Variants in ABL1 observed in about 807,000 individuals in gnomAD.
ABL1 encodes ABL proto-oncogene 1, non-receptor tyrosine kinase.
ABL1 carries 11 observed loss-of-function variants against 94.7 expected under a neutral mutation model. The ratio of observed to expected loss-of-function variants is 0.12; its 90% CI spans 0.07 to 0.19. The LOEUF (loss-of-function observed/expected upper bound fraction) is 0.19. ABL1 is among the 10% of genes least tolerant of loss of function. The pLI, the probability that ABL1 is intolerant of heterozygous loss-of-function variation, is 1.00. For missense variants in ABL1, 1,082 were observed against 1,489.4 expected, an observed-to-expected ratio of 0.73 and a Z score of 4.50; for synonymous variants, 656 against 622.4, an observed-to-expected ratio of 1.05 and a Z score of -0.80.
chr9:130,835,641 CTTT>C lies in ABL1; in HGVS notation c.79+122_79+124del, dbSNP rs1174950167. 4.4e-6 allele frequency: 3 copies of C among 686,532 alleles called. No homozygotes were observed. Among genetic ancestry groups the C allele is most frequent in the Non-Finnish European group, 7.3e-6 (3 of 410,554 alleles). The allele number at this position is 686,532 out of a possible 1,614,324, so 42.5% of individuals were successfully genotyped here. Reference sequence around the variant, plus strand: ...CGCCTGCGCCCTCCCCGGGTCTTGTCTTTTTTTTCTTTCTTCCCTCTTCTCTTC... The same window carrying C: ...CGCCTGCGCCCTCCCCGGGTCTTGTCTTTTTCTTTCTTCCCTCTTCTCTTC... On this transcript the variant is annotated intron_variant, in intron 1 of 10. Transcript: ENST00000318560. The surrounding 1 kb of genome is among the most constrained non-coding windows in gnomAD (Gnocchi z 4.6).
chr9:130,819,758 G>A (rs1180512157), intron 1 of ABL1, among the ~76,000 whole-genome samples: 1 of 151,816 alleles, frequency 6.6e-6, no homozygotes, highest in African/African-American at 2.4e-5. Context: ...GGCCAGGCTG[G>A]TGTCAAACTC....
At chr9:130,851,102 T>A (rs1830852406) in intron 1 of ABL1, among the ~76,000 whole-genome samples, 1 of 152,084 alleles carries the variant, frequency 6.6e-6, no homozygotes, top group Non-Finnish European at 1.5e-5. Context: ...TTTTTTGTAT[T>A]TTTAGTAGAG....
intron 7 of ABL1, 108 bp from the exon 8 acceptor site, chr9:130,878,307 G>A: frequency 7.6e-7 from 1 of 1,322,274 alleles, no homozygotes; most frequent in Non-Finnish European, 1.1e-6. Context: ...CTGGGCTGCT[G>A]CTGGGGCCAT....
intron 1 of ABL1, among the ~76,000 whole-genome samples, chr9:130,745,292 C>CA (rs763018406): frequency 6.6e-6 from 1 of 151,986 alleles, no homozygotes; most frequent in Non-Finnish European, 1.5e-5. Flanking sequence ...CCATGTTGGT[C>CA]AAGCTAGTCT....
chr9:130,859,885 T>G (rs1010019903), intron 3 of ABL1, among the ~76,000 whole-genome samples: 8 of 152,012 alleles, frequency 5.3e-5, no homozygotes, highest in Admixed American at 1.3e-4. Context: ...TTCACCATGT[T>G]GGCCAGGCTG....
chr9:130,718,262 G>T (rs1461997661), intron 1 of ABL1, among the ~76,000 whole-genome samples: 2 of 142,284 alleles, frequency 1.4e-5, no homozygotes, highest in African/African-American at 5.4e-5. Flanking sequence ...AGGTTGCAGT[G>T]ACCTGAGATC....
rs1831102780 is a variant in ABL1 at position 130,863,133 on chromosome 9, G to C, written c.822+98G>C. The C allele has an allele frequency of 1.5e-6, 2 of 1,376,060 alleles. No individual in the cohort carries two copies. Among genetic ancestry groups the C allele is most frequent in the Non-Finnish European group, 1.9e-6 (2 of 1,030,534 alleles). 85.2% of individuals were successfully genotyped at this position (1,376,060 alleles called of 1,614,324 possible). A position where few individuals can be genotyped will look rare whatever the true frequency, so the allele number is the denominator to read the frequency against. ...CCTGGAAGTCTACCTCCTGCCTGCTGTCCGAGGGCTTCATTGGCGCCACGG... is the reference window on the plus strand; with the variant it reads ...CCTGGAAGTCTACCTCCTGCCTGCTCTCCGAGGGCTTCATTGGCGCCACGG... On this transcript the variant is annotated intron_variant, in intron 4 of 10. Coordinates refer to ENST00000318560, the MANE Select transcript of ABL1 (RefSeq NM_005157.6). This position sits in a 1 kb window ranked among gnomAD's most constrained non-coding sequence, Gnocchi z 4.3.
At chr9:130,725,314 A>AT (rs1462043440) in intron 1 of ABL1, among the ~76,000 whole-genome samples, 2 of 152,172 alleles carry the variant, frequency 1.3e-5, no homozygotes, top group Non-Finnish European at 2.9e-5. Flanking sequence ...CTAGGACTTC[A>AT]TATAACTATA....
rs71389357 is a variant in ABL1, at chr9:130,798,966, C to CAAAAAAAAAAAAA, written c.137-55092_137-55080dup. ...AGCCTGGGTGGCAGAGACTCCGTCTCAAAAAAAAAAAAAAAAAAGAATTGG... is the reference window on the plus strand; with the variant it reads ...AGCCTGGGTGGCAGAGACTCCGTCTCAAAAAAAAAAAAAAAAAAAAAAAAAAAAAAAGAATTGG... On this transcript the variant is annotated intron_variant, in intron 1 of 10. Transcript: ENST00000372348. Among the ~76,000 whole-genome samples the CAAAAAAAAAAAAA allele has an allele frequency of 3.2e-3, 213 of 66,716 alleles. 5 individuals carry two copies. The highest frequency in any genetic ancestry group is 8.9e-3 in the African/African-American group (164 of 18,332). The allele number at this position is 66,716 out of a possible 152,430, so 43.8% of individuals were successfully genotyped here. A position where few individuals can be genotyped will look rare whatever the true frequency, so the allele number is the denominator to read the frequency against.
At chr9:130,756,078 T>A (rs2583837) in intron 1 of ABL1, among the ~76,000 whole-genome samples, 81,154 of 152,058 alleles carry the variant, frequency 0.53, 23,589 homozygotes, top group African/African-American at 0.77. Context: ...AAAGGAAGCA[T>A]GTCTGTGAGA....
intron 1 of ABL1, among the ~76,000 whole-genome samples, chr9:130,721,554 CA>C (rs2132675349): frequency 6.6e-6 from 1 of 151,972 alleles, no homozygotes; most frequent in Admixed American, 6.6e-5. Context: ...ACTAACAGTA[CA>C]AAAAATTAGC....
intron 1 of ABL1, among the ~76,000 whole-genome samples, chr9:130,763,761 A>G (rs118051472): frequency 1.9e-4 from 29 of 152,328 alleles, no homozygotes; most frequent in Non-Finnish European, 4.3e-4. Context: ...ACATGTCTTT[A>G]TAATCACAGA....
At chr9:130,717,890 C>T (rs965463302) in intron 1 of ABL1, among the ~76,000 whole-genome samples, 1 of 151,758 alleles carries the variant, frequency 6.6e-6, no homozygotes, top group African/African-American at 2.4e-5. Context: ...GCACATGCCT[C>T]TAATCCCAGC....
chr9:130,871,666 AG>A (rs1554770289), intron 4 of ABL1, among the ~76,000 whole-genome samples: 1 of 152,224 alleles, frequency 6.6e-6, no homozygotes, highest in Non-Finnish European at 1.5e-5. Context: ...TCTTGTCATG[AG>A]GGTCTCTTCC....
intron 1 of ABL1, among the ~76,000 whole-genome samples, chr9:130,768,802 C>T (rs1399293697): frequency 6.6e-6 from 1 of 152,144 alleles, no homozygotes; most frequent in Non-Finnish European, 1.5e-5. Context: ...TTGGAAGTAA[C>T]TTAAATATTT....
intron 1 of ABL1, among the ~76,000 whole-genome samples, chr9:130,852,269 A>G (rs1023816658): frequency 1.3e-5 from 2 of 151,976 alleles, no homozygotes; most frequent in African/African-American, 4.8e-5. Flanking sequence ...AGCTCACTGC[A>G]ACCTCCGCCT....
At chr9:130,733,575 C>CTAT (rs1554757690) in intron 1 of ABL1, among the ~76,000 whole-genome samples, 1 of 103,220 alleles carries the variant, frequency 9.7e-6, no homozygotes, top group East Asian at 3.1e-4. Context: ...CTGTAAAGCA[C>CTAT]TTTTTTTTTT....
At chr9:130,821,410 T>A (rs2132877265) in intron 1 of ABL1, among the ~76,000 whole-genome samples, 1 of 152,306 alleles carries the variant, frequency 6.6e-6, no homozygotes, top group South Asian at 2.1e-4. Context: ...TTGTGACTGT[T>A]TTTTTTCCCA....
intron 1 of ABL1, among the ~76,000 whole-genome samples, chr9:130,840,305 G>A (rs927900615): frequency 1.3e-5 from 2 of 152,136 alleles, no homozygotes; most frequent in African/African-American, 4.8e-5. Context: ...CGCACCCTCT[G>A]TTATTCCCGT....
Sources: gnomAD v4.1 joint callset for allele counts (sites outside exome capture counted in the v4.1 genomes callset) on GRCh38, gnomAD v4.1.1 for gene constraint, Gnocchi (gnomAD v3.1) non-coding constraint, MANE v1.5 for transcripts, NCBI Gene and HGNC (gene_info 2026-07-23, HGNC 2026-07-21) for gene names.